WLS: variants seen among roughly 807,000 people sequenced by gnomAD.
WLS encodes the protein protein wntless homolog.
In WLS, 23 loss-of-function variants were observed where a neutral mutation model predicts 62.8. The ratio of observed to expected loss-of-function variants is 0.37; its 90% CI spans 0.26 to 0.52. WLS has a LOEUF of 0.52. Among genes scored for constraint, WLS ranks in the 20% least tolerant of loss-of-function variants. WLS has a pLI of 0.92. For missense variants in WLS, 615 were observed against 697.3 expected (o/e 0.88, Z 1.33); for synonymous variants, 246 against 244.1 (o/e 1.01, Z -0.07).
At chr1:68,191,624 G>T (rs181809879) in intron 2 of WLS, among the ~76,000 whole-genome samples, 3 of 152,048 alleles carry the variant, frequency 2.0e-5, no homozygotes, top group Non-Finnish European at 4.4e-5. Flanking sequence ...CTGAGTGTTC[G>T]TATGGCTGGG....
chr1:68,208,623 G>A (rs1334196744), intron 1 of WLS, among the ~76,000 whole-genome samples: 1 of 152,192 alleles, frequency 6.6e-6, no homozygotes, highest in Non-Finnish European at 1.5e-5. Flanking sequence ...AAGTTGTTAG[G>A]TCACTTTAAA....
intron 8 of WLS, among the ~76,000 whole-genome samples, chr1:68,147,156 C>T (rs1424047824): frequency 2.0e-5 from 3 of 152,146 alleles, no homozygotes; most frequent in Admixed American, 1.3e-4. Context: ...CTATAATGAA[C>T]ATCATCCTGG....
intron 2 of WLS, chr1:68,163,158 G>C: frequency 9.8e-7 from 1 of 1,017,730 alleles, no homozygotes; most frequent in Admixed American, 2.1e-5. Flanking sequence ...AGGGGAACTC[G>C]CAGGAGTCTC....
chr1:68,108,098 T>C (rs1293419698), intron 11 of WLS, among the ~76,000 whole-genome samples: 1 of 152,186 alleles, frequency 6.6e-6, no homozygotes, highest in Non-Finnish European at 1.5e-5. Flanking sequence ...TATTCGTGCA[T>C]TCCAGAGCTC....
At chr1:68,203,638 T>C (rs924592644) in intron 1 of WLS, among the ~76,000 whole-genome samples, 15 of 152,240 alleles carry the variant, frequency 9.9e-5, no homozygotes, top group African/African-American at 3.4e-4. Flanking sequence ...GACTTCATAT[T>C]GCAGGTAGGC....
intron 3 of WLS, among the ~76,000 whole-genome samples, chr1:68,158,913 T>C (rs1646935469): frequency 6.6e-6 from 1 of 152,160 alleles, no homozygotes; most frequent in Non-Finnish European, 1.5e-5. Flanking sequence ...GTTTTTACTA[T>C]TTTGCAGGAA....
At chr1:68,219,953 C>G (rs959352410) in intron 1 of WLS, among the ~76,000 whole-genome samples, 1 of 152,052 alleles carries the variant, frequency 6.6e-6, no homozygotes, top group African/African-American at 2.4e-5. Flanking sequence ...GGATTCACTT[C>G]GCAGCAAGCA....
chr1:68,211,579 G>A (rs750353872), intron 1 of WLS, among the ~76,000 whole-genome samples: 8 of 152,146 alleles, frequency 5.3e-5, no homozygotes, highest in Non-Finnish European at 1.0e-4. Flanking sequence ...GTTTAAACAA[G>A]TTGCCCAAGG....
intron 1 of WLS, among the ~76,000 whole-genome samples, chr1:68,209,792 AAG>A (rs1491083262): frequency 1.3e-5 from 2 of 152,190 alleles, no homozygotes; most frequent in Non-Finnish European, 2.9e-5. Context: ...AAAAAAAAAA[AAG>A]AAGTGGTAGA....
intron 11 of WLS, chr1:68,098,771 T>G (rs377469189): frequency 1.2e-6 from 2 of 1,609,766 alleles, no homozygotes; most frequent in Admixed American, 3.4e-5. Flanking sequence ...ATTCAGTATA[T>G]TTTAAAACCA....
chr1:68,167,733 C>A (rs1557491966), intron 2 of WLS, among the ~76,000 whole-genome samples: 1 of 152,090 alleles, frequency 6.6e-6, no homozygotes, highest in African/African-American at 2.4e-5. Context: ...TATGGGCTAG[C>A]CAAGCTTCAC....
chr1:68,183,514 T>A, intron 2 of WLS: 1 of 532,224 alleles, frequency 1.9e-6, no homozygotes, highest in Non-Finnish European at 3.9e-6. Flanking sequence ...AAACACAGAA[T>A]TAAATATCAC....
At chr1:68,187,864 A>G (rs1648057180) in intron 2 of WLS, among the ~76,000 whole-genome samples, 1 of 152,204 alleles carries the variant, frequency 6.6e-6, no homozygotes, top group South Asian at 2.1e-4. Context: ...TATAAATAAC[A>G]TTCACTAAAC....
intron 2 of WLS, among the ~76,000 whole-genome samples, chr1:68,193,444 G>GAAAAAAAAAAAAAAA (rs111934768): frequency 8.4e-5 from 3 of 35,640 alleles, no homozygotes; most frequent in African/African-American, 2.3e-4. Context: ...AAAAAAAAAC[G>GAAAAAAAAAAAAAAA]AAAAAAAAAC....
chr1:68,213,137 C>G (rs1477225178), intron 1 of WLS, among the ~76,000 whole-genome samples: 2 of 152,052 alleles, frequency 1.3e-5, no homozygotes, highest in Non-Finnish European at 2.9e-5. Flanking sequence ...GAAAGCATTA[C>G]CAGGTCCATT....
chr1:68,119,813 G>C (rs1646341633), intron 11 of WLS, among the ~76,000 whole-genome samples: 1 of 152,226 alleles, frequency 6.6e-6, no homozygotes, highest in African/African-American at 2.4e-5. Context: ...CCCACTCCGT[G>C]TAAAGAACAT....
intron 9 of WLS, 87 bp from the exon 10 acceptor site, chr1:68,144,739 A>T: frequency 9.0e-7 from 1 of 1,106,800 alleles, no homozygotes; most frequent in Non-Finnish European, 1.3e-6. Context: ...TTAATTTTAA[A>T]GAAATCTGTA....
intron 11 of WLS, among the ~76,000 whole-genome samples, chr1:68,131,033 C>G (rs1422839919): frequency 6.6e-6 from 1 of 150,434 alleles, no homozygotes; most frequent in African/African-American, 2.5e-5. Flanking sequence ...GCTGGGACTA[C>G]AGGCGCATGC....
intron 1 of WLS, 131 bp downstream of exon 1, chr1:68,232,063 A>T: frequency 7.9e-7 from 1 of 1,261,270 alleles, no homozygotes; most frequent in Non-Finnish European, 1.1e-6. Flanking sequence ...CTGCTTTCTT[A>T]AGCACAATAG....
Sources: allele counts gnomAD v4.1 joint callset (sites outside exome capture counted in the v4.1 genomes callset), GRCh38; gene constraint gnomAD v4.1.1; transcripts MANE v1.5; gene names NCBI Gene and HGNC (gene_info 2026-07-23, HGNC 2026-07-21).